ENPEP: variants seen among roughly 807,000 people sequenced by gnomAD.
ENPEP encodes AP-A.
Under a neutral mutation model 114.5 loss-of-function variants are expected in ENPEP, and 103 were observed. That is an observed-to-expected ratio of 0.90 (90% CI 0.77 to 1.06). The LOEUF (loss-of-function observed/expected upper bound fraction) is 1.06. ENPEP is among the 50% of genes least tolerant of loss of function. The probability of loss-of-function intolerance (pLI) is 0.00; values close to 1 mark genes in which losing one functional copy is unlikely to be tolerated. For synonymous variants in ENPEP, 420 were observed against 422.0 expected (o/e 1.00, Z 0.06); for missense variants, 1,196 against 1,161.3 (o/e 1.03, Z -0.43).
chr4:110,554,368 T>G (rs1469315511), intron 18 of ENPEP, among the ~76,000 whole-genome samples: 1 of 152,050 alleles, frequency 6.6e-6, no homozygotes, highest in African/African-American at 2.4e-5. Context: ...AGAGTGCTAT[T>G]ATGTCCATTT....
intron 1 of ENPEP, among the ~76,000 whole-genome samples, chr4:110,485,149 C>G (rs1318554164): frequency 1.3e-5 from 2 of 152,116 alleles, no homozygotes; most frequent in Non-Finnish European, 2.9e-5. Flanking sequence ...AGTGTACAGG[C>G]TTTTTTAGAG....
Position 110,530,638 on chromosome 4 carries a change from G to A in ENPEP, c.1728-560G>A, listed in dbSNP as rs3796886. Among the ~76,000 whole-genome samples the A allele has an allele frequency of 6.8e-3, 1,035 of 152,312 alleles. 31 individuals are homozygous for A. The highest frequency in any genetic ancestry group is 0.028 in the East Asian group (144 of 5,182). On this transcript the variant is annotated intron_variant, in intron 10 of 19. Transcript: ENST00000265162. ...GAAAACTCCTGAAACATGCTTACCT[G>A]ATGATTCTTCCCTTGAGCACTTCAG... is the stretch of plus-strand genomic sequence containing the variant.
intron 8 of ENPEP, among the ~76,000 whole-genome samples, chr4:110,519,713 T>G (rs961162251): frequency 1.1e-4 from 17 of 152,172 alleles, no homozygotes; most frequent in African/African-American, 3.9e-4. Flanking sequence ...TACTGTCTGC[T>G]GGCCAAATCT....
intron 3 of ENPEP, among the ~76,000 whole-genome samples, chr4:110,502,190 T>C (rs777719178): frequency 5.3e-5 from 8 of 152,220 alleles, no homozygotes; most frequent in Non-Finnish European, 1.0e-4. Flanking sequence ...TTTACCTTAG[T>C]TGGATGCATA....
intron 18 of ENPEP, 124 bp from the exon 19 acceptor site, chr4:110,559,521 CTG>C: frequency 1.5e-6 from 1 of 661,296 alleles, no homozygotes. Flanking sequence ...GGTTTTCTTA[CTG>C]TGTTTTGCTT....
chr4:110,542,531 T>G (rs1726887503), intron 11 of ENPEP, among the ~76,000 whole-genome samples: 1 of 152,090 alleles, frequency 6.6e-6, no homozygotes, highest in South Asian at 2.1e-4. Context: ...GTATAATTAT[T>G]TATATTACTT....
At chr4:110,546,890 T>A (rs1727090029) in intron 13 of ENPEP, among the ~76,000 whole-genome samples, 1 of 152,058 alleles carries the variant, frequency 6.6e-6, no homozygotes, top group Non-Finnish European at 1.5e-5. Flanking sequence ...AGCTGGGAAC[T>A]TTATGCCCTT....
chr4:110,513,611 T>G, intron 7 of ENPEP, 62 bp downstream of exon 7: 1 of 1,582,000 alleles, frequency 6.3e-7, no homozygotes. Flanking sequence ...TTTTAGTGGA[T>G]ACCTAAAAAT....
rs1725736495 is a variant in ENPEP, at chr4:110,515,629, A to T, written c.1509+187A>T. 4.8e-6 allele frequency: 3 copies of T among 625,068 alleles called. No individual in the cohort carries two copies. In the African/African-American group the frequency reaches 5.5e-5, roughly 11 times the overall value. The allele number at this position is 625,068 out of a possible 1,614,324, so 38.7% of individuals were successfully genotyped here. A position where few individuals can be genotyped will look rare whatever the true frequency, so the allele number is the denominator to read the frequency against. Reference sequence around the variant, plus strand: ...GAGTACCTACATTGTATCTGTAATGATCATTTAGCAGAAGTCTCATGGAGA... The same window carrying T: ...GAGTACCTACATTGTATCTGTAATGTTCATTTAGCAGAAGTCTCATGGAGA... On this transcript the variant is annotated intron_variant, in intron 8 of 19. Coordinates refer to ENST00000265162, the MANE Select transcript of ENPEP (RefSeq NM_001977.4).
At chr4:110,552,679 A>G (rs1727335881) in intron 17 of ENPEP, among the ~76,000 whole-genome samples, 1 of 152,118 alleles carries the variant, frequency 6.6e-6, no homozygotes, top group African/African-American at 2.4e-5. Context: ...TCAATACAAT[A>G]TACACTTGTA....
chr4:110,555,348 C>T (rs926765549), intron 18 of ENPEP, among the ~76,000 whole-genome samples: 32 of 151,974 alleles, frequency 2.1e-4, no homozygotes, highest in Middle Eastern at 3.2e-3. Flanking sequence ...CAAACTTTAT[C>T]CAAATAATCC....
intron 13 of ENPEP, among the ~76,000 whole-genome samples, chr4:110,546,800 G>A (rs1727086246): frequency 6.6e-6 from 1 of 152,030 alleles, no homozygotes; most frequent in Admixed American, 6.6e-5. Context: ...AGAATCCAAA[G>A]GTGATTTAGT....
chr4:110,488,744 C>A, intron 2 of ENPEP, 62 bp downstream of exon 2: 1 of 1,532,890 alleles, frequency 6.5e-7, no homozygotes, highest in African/African-American at 1.4e-5. Context: ...AGGCCAGTTA[C>A]CTGATTTTCT....
rs758554796 is a variant in ENPEP, at chr4:110,561,392, C to G, written c.2722-14C>G. The G allele has an allele frequency of 6.2e-7, 1 of 1,612,212 alleles. No homozygotes were observed. Among genetic ancestry groups the G allele is most frequent in the Admixed American group, 1.7e-5 (1 of 59,440 alleles). On this transcript the variant is annotated splice_polypyrimidine_tract_variant and intron_variant, in intron 19 of 19. Transcript: ENST00000265162. ...TATAAATGACAATCCTAATTACTCCCCTCTCTTTTCTAGATGGAGAGCTTT... is the reference window on the plus strand; with the variant it reads ...TATAAATGACAATCCTAATTACTCCGCTCTCTTTTCTAGATGGAGAGCTTT...
rs572761071 is a variant in ENPEP at position 110,507,197 on chromosome 4, C to T, written c.1039+440C>T. ...AGAGCCCCATGTGCTTCCAGTCTTT[C>T]CATTGTTGTACAAGGCAAATTCTAG... On this transcript the variant is annotated intron_variant, in intron 4 of 19. Transcript: ENST00000265162. 8.5e-5 allele frequency among the ~76,000 whole-genome samples: 13 copies of T among 152,262 alleles called. No individual in the cohort carries two copies. The East Asian group carries it at 2.5e-3, about 29-fold the overall frequency.
intron 10 of ENPEP, among the ~76,000 whole-genome samples, chr4:110,520,628 A>T (rs568852559): frequency 6.6e-6 from 1 of 152,320 alleles, no homozygotes; most frequent in African/African-American, 2.4e-5. Flanking sequence ...ACCTACAAGA[A>T]TAAAGAAAAT....
intron 13 of ENPEP, among the ~76,000 whole-genome samples, chr4:110,546,842 C>G (rs964625532): frequency 6.6e-6 from 1 of 151,964 alleles, no homozygotes; most frequent in African/African-American, 2.4e-5. Context: ...AAGCCAGAAA[C>G]CTGAATTTAA....
At chr4:110,480,782 G>A (rs1172503943) in intron 1 of ENPEP, among the ~76,000 whole-genome samples, 3 of 152,230 alleles carry the variant, frequency 2.0e-5, no homozygotes, top group African/African-American at 4.8e-5. Context: ...TGGGGACAGA[G>A]TTGTAGTGGG....
At chr4:110,515,240 A>G (rs1725717323) in intron 7 of ENPEP, 137 bp from the exon 8 acceptor site, 3 of 693,194 alleles carry the variant, frequency 4.3e-6, no homozygotes, top group African/African-American at 1.8e-5. Flanking sequence ...TCATAGAGCC[A>G]TATAATTTAG....
Sources: allele counts gnomAD v4.1 joint callset (sites outside exome capture counted in the v4.1 genomes callset), GRCh38; gene constraint gnomAD v4.1.1; transcripts MANE v1.5; gene names NCBI Gene and HGNC (gene_info 2026-07-23, HGNC 2026-07-21).